CSNK1D: variants seen among roughly 807,000 people sequenced by gnomAD.
CSNK1D encodes casein kinase I isoform delta.
A neutral mutation model predicts 46.6 loss-of-function variants in CSNK1D; 16 were observed. The ratio of observed to expected loss-of-function variants is 0.34; its 90% confidence interval spans 0.23 to 0.52. The LOEUF is 0.52. Ranked by LOEUF, CSNK1D falls within the 20% of genes least tolerant of loss-of-function variation. CSNK1D has a pLI of 0.95. For synonymous variants in CSNK1D, 276 were observed against 228.2 expected, an observed-to-expected ratio of 1.21 and a Z score of -1.89; for missense variants, 398 against 578.4, an observed-to-expected ratio of 0.69 and a Z score of 3.20.
Position 82,249,116 on chromosome 17 carries a change from G to A in CSNK1D, c.1058-102C>T. ...GGCCAGAGAGGACCCTGGGCTGCCT[G>A]GACAGTCAGGACCTGGCTGTGGCCG... On this transcript the variant is annotated intron_variant, in intron 7 of 8. Transcript: ENST00000314028. This position sits in a 1 kb window ranked among gnomAD's most constrained non-coding sequence, Gnocchi z 6.7. The A allele has an allele frequency of 2.2e-6, 3 of 1,387,434 alleles. No homozygotes were observed. Among genetic ancestry groups the A allele is most frequent in the Non-Finnish European group, 2.9e-6 (3 of 1,023,432 alleles). 85.9% of individuals were successfully genotyped at this position (1,387,434 alleles called of 1,614,324 possible). A position where few individuals can be genotyped will look rare whatever the true frequency, so the allele number is the denominator to read the frequency against.
At position 82,250,101 on chromosome 17, in the gene CSNK1D, G is replaced by C. The variant is rs149905143; in HGVS notation, c.886-499C>G. ...CTGTGCAGGTGTGGTGGCGTGGCCA[G>C]CAGCCGGCAGCCGGATCTGTGCTGC... On this transcript the variant is annotated intron_variant, in intron 6 of 8. Transcript: ENST00000314028. The surrounding 1 kb of genome is among the most constrained non-coding windows in gnomAD (Gnocchi z 4.6). The C allele has an allele frequency of 2.4e-4, 311 of 1,290,320 alleles. No individual in the cohort carries two copies. The African/African-American group carries it at 4.3e-3, about 18-fold the overall frequency. 79.9% of individuals were successfully genotyped at this position (1,290,320 alleles called of 1,614,324 possible).
chr17:82,240,775 C>T (rs776133343), downstream of CSNK1D, among the ~76,000 whole-genome samples: 29 of 152,280 alleles, frequency 1.9e-4, no homozygotes, highest in Admixed American at 1.4e-3. Context: ...AAGGCAGCCA[C>T]GCTTGGTTGG....
downstream of CSNK1D, chr17:82,239,078 G>T: frequency 1.7e-6 from 2 of 1,189,224 alleles, no homozygotes; most frequent in Non-Finnish European, 2.3e-6. Context: ...GCCACGGCTG[G>T]GCTCCAGCTG....
intron 2 of CSNK1D, among the ~76,000 whole-genome samples, chr17:82,258,559 G>C (rs1228165930): frequency 6.6e-6 from 1 of 152,108 alleles, no homozygotes; most frequent in Non-Finnish European, 1.5e-5. Flanking sequence ...TCTAGATGCA[G>C]CATTACGGAT....
At chr17:82,245,066 G>C (rs938990989) in intron 8 of CSNK1D, 1 of 625,544 alleles carries the variant, frequency 1.6e-6, no homozygotes, top group African/African-American at 1.8e-5. Flanking sequence ...GGTGCCCGCG[G>C]AGCCGGGCTC....
In CSNK1D at chr17:82,265,770, C is replaced by A; in HGVS notation, c.103G>T (p.Val35Phe). The change falls in exon 2 of 9, where the codon GTT becomes TTT. Residue 35 changes from valine (V) to phenylalanine (F), a missense_variant. Physicochemically the swap from Val to Phe is conservative, Grantham distance 50 (BLOSUM62 -1). Transcript: ENST00000314028. ...LGTDIAAGEE[V>F]AIKLECVKTK... is the part of the protein sequence containing the mutation. The stretch of plus-strand genomic sequence containing the variant: ...TTGACACATTCAAGCTTGATGGCAA[C>A]CTCTTCTCCTGCAGCAATGTCCGTA... The A allele has an allele frequency of 6.2e-7, 1 of 1,614,118 alleles. No homozygotes were observed. Among genetic ancestry groups the A allele is most frequent in the Non-Finnish European group, 8.5e-7 (1 of 1,180,012 alleles).
chr17:82,264,552 T>C (rs1199138424), intron 2 of CSNK1D, among the ~76,000 whole-genome samples: 1 of 152,154 alleles, frequency 6.6e-6, no homozygotes, highest in African/African-American at 2.4e-5. Context: ...GTAACTGAGC[T>C]GGAAGAGGTC....
At position 82,252,466 on chromosome 17, in the gene CSNK1D, G is replaced by A. The variant is rs2051038469; in HGVS notation, c.704C>T (p.Thr235Ile). 4 of 1,614,026 alleles carry A rather than the reference G, an allele frequency of 2.5e-6. No homozygotes were observed. Among genetic ancestry groups the A allele is most frequent in the Admixed American group, 3.3e-5 (2 of 60,010 alleles). The change falls in exon 5 of 9, where the codon ACC becomes ATC. Residue 235 changes from threonine to isoleucine, a missense_variant. This residue lies in a region of CSNK1D where 217 missense variants were observed against 370.3 expected (regional missense o/e 0.59). Transcript: ENST00000314028. This position sits in a 1 kb window ranked among gnomAD's most constrained non-coding sequence, Gnocchi z 4.6. ...GCCTTTACACAACACTTCGATGGGG[G>A]TGGACATTTTCTTCTCGCTAATCCT... ...YERISEKKMS[T>I]PIEVLCKGYP...
In CSNK1D at chr17:82,249,546, C is replaced by T. The variant is rs1256547271; in HGVS notation, c.942G>A (p.Arg314=). The stretch of plus-strand genomic sequence containing the variant: ...TAGCCGGGTTCCGCGAGTGTCTCAG[C>T]CGCTCCTCTCGGTCCCTGCGCTCCC... The part of the protein sequence containing the change: ...AERERRDREE[R]LRHSRNPATR... Residue 314 remains arginine, a synonymous_variant, in exon 7 of 9, where the codon CGG becomes CGA. Coordinates refer to ENST00000314028, the MANE Select transcript of CSNK1D (RefSeq NM_001893.6). This position sits in a 1 kb window ranked among gnomAD's most constrained non-coding sequence, Gnocchi z 6.7. 6.5e-7 allele frequency: 1 copy of T among 1,547,958 alleles called. No homozygotes were observed. Among genetic ancestry groups the T allele is most frequent in the East Asian group, 2.4e-5 (1 of 41,720 alleles).
chr17:82,244,770 AAGG>A lies in CSNK1D; in HGVS notation c.*8_*10del. On this transcript the variant is annotated 3_prime_UTR_variant, in exon 9 of 9. Coordinates refer to ENST00000314028, the MANE Select transcript of CSNK1D (RefSeq NM_001893.6). Reference sequence around the variant, plus strand: ...TGCATTGTCTGCCCTTCACAGCAATAAGGAGAGTTCTCATCGGTGCACGACAGA... The same window carrying A: ...TGCATTGTCTGCCCTTCACAGCAATAAGAGTTCTCATCGGTGCACGACAGA... 6.2e-7 allele frequency: 1 copy of A among 1,614,050 alleles called. No homozygotes were observed. The highest frequency in any genetic ancestry group is 8.5e-7 in the Non-Finnish European group (1 of 1,180,036).
chr17:82,260,459 A>T (rs997254834), intron 2 of CSNK1D, among the ~76,000 whole-genome samples: 2 of 149,368 alleles, frequency 1.3e-5, no homozygotes, highest in Non-Finnish European at 3.0e-5. Flanking sequence ...GTACTGACTG[A>T]TGGTGTACTG....
In CSNK1D at chr17:82,265,793, G is replaced by A. The variant is rs2147215396; in HGVS notation, c.80C>T (p.Thr27Met). The A allele has an allele frequency of 6.2e-7, 1 of 1,613,278 alleles. No homozygotes were observed. Among genetic ancestry groups the A allele is most frequent in the South Asian group, 1.1e-5 (1 of 91,068 alleles). ...AACCTCTTCTCCTGCAGCAATGTCC[G>A]TACCTTGGCAAAGAAAGAAAACCAC... Reference protein sequence around the residue: ...SGSFGDIYLGTDIAAGEEVAI... With the variant: ...SGSFGDIYLGMDIAAGEEVAI... The change falls in exon 2 of 9, where the codon ACG becomes ATG. Residue 27 changes from threonine (T) to methionine (M), a missense_variant. Thr to Met is a moderately conservative substitution (Grantham distance 81). Transcript: ENST00000314028.
In CSNK1D at chr17:82,248,892, G is replaced by A. The variant is rs764013097; in HGVS notation, c.1180C>T (p.Arg394Cys). ...SDLTGRQDTS[R>C]MSTSQIPGRV... ...GCACCTACCTGTGAGGTGGACATGC[G>A]AGAGGTATCTTGTCGGCCTGTGAGG... is the stretch of plus-strand genomic sequence containing the variant. The change falls in exon 8 of 9, where the codon CGC becomes TGC. Residue 394 changes from arginine to cysteine, a missense_variant. By Grantham distance (180) the Arg-to-Cys change is radical. Transcript: ENST00000314028. The surrounding 1 kb of genome is among the most constrained non-coding windows in gnomAD (Gnocchi z 4.1). 18 of 1,610,576 alleles carry A rather than the reference G, an allele frequency of 1.1e-5. No homozygotes were observed. The highest frequency in any genetic ancestry group is 2.2e-5 in the East Asian group (1 of 44,812).
rs113283041 is a variant in CSNK1D at position 82,264,891 on chromosome 17, G to A, written c.187+795C>T. 4.7e-5 allele frequency among the ~76,000 whole-genome samples: 7 copies of A among 148,104 alleles called. No homozygotes were observed. The South Asian group carries it at 1.3e-3, about 27-fold the overall frequency. On this transcript the variant is annotated intron_variant, in intron 2 of 8. Coordinates refer to ENST00000314028, the MANE Select transcript of CSNK1D (RefSeq NM_001893.6). ...GGGCTCACTGCAAGCTCTGCCTCCC[G>A]GGTTCACGCCATTCTCCTGCCTCAG... is the stretch of plus-strand genomic sequence containing the variant.
At position 82,244,763 on chromosome 17, in the gene CSNK1D, C is replaced by G; in HGVS notation, c.*18G>C. The G allele has an allele frequency of 6.2e-7, 1 of 1,613,972 alleles. No individual in the cohort carries two copies. The highest frequency in any genetic ancestry group is 8.5e-7 in the Non-Finnish European group (1 of 1,180,030). On this transcript the variant is annotated 3_prime_UTR_variant, in exon 9 of 9. Coordinates refer to ENST00000314028, the MANE Select transcript of CSNK1D (RefSeq NM_001893.6). The stretch of plus-strand genomic sequence containing the variant: ...TCAGCCATGCATTGTCTGCCCTTCA[C>G]AGCAATAAGGAGAGTTCTCATCGGT...
chr17:82,262,718 C>A (rs2051371807), intron 2 of CSNK1D, among the ~76,000 whole-genome samples: 1 of 152,196 alleles, frequency 6.6e-6, no homozygotes, highest in African/African-American at 2.4e-5. Flanking sequence ...GCAGACACTG[C>A]ACAAGAATGG....
chr17:82,245,685 A>C (rs1257757562), intron 8 of CSNK1D: 1 of 439,500 alleles, frequency 2.3e-6, no homozygotes, highest in Non-Finnish European at 4.3e-6. Flanking sequence ...CACCCAGGAC[A>C]GGAGGAGAGC....
rs1471683708 is a variant in CSNK1D at position 82,251,679 on chromosome 17, T to C, written c.737-152A>G. 2.4e-6 allele frequency: 2 copies of C among 847,004 alleles called. No homozygotes were observed. Among genetic ancestry groups the C allele is most frequent in the African/African-American group, 3.4e-5 (2 of 59,626 alleles). 52.5% of individuals were successfully genotyped at this position (847,004 alleles called of 1,614,324 possible). ...GTCAGATTTCTAAGACCTGAAGCCTTGAGAAAGCATCGAAAAGTATTCAAG... is the reference window on the plus strand; with the variant it reads ...GTCAGATTTCTAAGACCTGAAGCCTCGAGAAAGCATCGAAAAGTATTCAAG... On this transcript the variant is annotated intron_variant, in intron 5 of 8. Coordinates refer to ENST00000314028, the MANE Select transcript of CSNK1D (RefSeq NM_001893.6). The surrounding 1 kb of genome is among the most constrained non-coding windows in gnomAD (Gnocchi z 4.5).
In CSNK1D at chr17:82,248,347, G is replaced by C. The variant is rs2050903737; in HGVS notation, c.1197+528C>G. On this transcript the variant is annotated intron_variant, in intron 8 of 8. Coordinates refer to ENST00000314028, the MANE Select transcript of CSNK1D (RefSeq NM_001893.6). This position sits in a 1 kb window ranked among gnomAD's most constrained non-coding sequence, Gnocchi z 4.1. ...GTGGCTAGGCCTGGGCTGCGCAACAGGGTACTTCTCGTCCAAGGGAAGACA... is the reference window on the plus strand; with the variant it reads ...GTGGCTAGGCCTGGGCTGCGCAACACGGTACTTCTCGTCCAAGGGAAGACA... The C allele has an allele frequency of 2.0e-6, 2 of 998,200 alleles. No homozygotes were observed. Among genetic ancestry groups the C allele is most frequent in the African/African-American group, 3.5e-5 (2 of 57,400 alleles). 61.8% of individuals were successfully genotyped at this position (998,200 alleles called of 1,614,324 possible).
Sources: gnomAD v4.1 joint callset for allele counts (sites outside exome capture counted in the v4.1 genomes callset) on GRCh38, gnomAD v4.1.1 for gene constraint, gnomAD v4.1.1 regional missense constraint, Gnocchi (gnomAD v3.1) non-coding constraint, MANE v1.5 for transcripts, NCBI Gene and HGNC (gene_info 2026-07-23, HGNC 2026-07-21) for gene names.